LMF1: variants seen among roughly 807,000 people sequenced by gnomAD.
The protein encoded by LMF1 is transmembrane protein 112.
Under a neutral mutation model 60.6 loss-of-function variants are expected in LMF1, and 68 were observed. That is an observed-to-expected ratio of 1.12 (90% CI 0.92 to 1.37). The LOEUF (loss-of-function observed/expected upper bound fraction) is 1.37, where lower values mean the gene tolerates loss of function less well. Ranked by LOEUF, LMF1 falls within the 40% of genes most tolerant of loss-of-function variation. LMF1 has a pLI of 0.00. For synonymous variants in LMF1, 418 were observed against 324.7 expected, an observed-to-expected ratio of 1.29 and a Z score of -3.09; for missense variants, 948 against 767.2, an observed-to-expected ratio of 1.24 and a Z score of -2.78.
At position 857,868 on chromosome 16, in the gene LMF1, C is replaced by A. The variant is rs866848896; in HGVS notation, c.1530-3162G>T. ...TGAGTGGTGTCTCGGGATGGGTGTG[C>A]GTGGTGTCACGGGATGGGTGTGCAG... is the stretch of plus-strand genomic sequence containing the variant. On this transcript the variant is annotated intron_variant, in intron 10 of 10. Transcript: ENST00000262301. Among the ~76,000 whole-genome samples, 30 of 37,234 alleles carry A rather than the reference C, an allele frequency of 8.1e-4. No individual in the cohort carries two copies. In the East Asian group the frequency reaches 0.012, roughly 15 times the overall value. The allele number at this position is 37,234 out of a possible 152,430, so 24.4% of individuals were successfully genotyped here.
chr16:869,242 C>G lies in LMF1; in HGVS notation c.1417-186G>C, dbSNP rs536243481. The G allele has an allele frequency of 2.8e-4, 185 of 667,140 alleles. 1 individual carries two copies. The East Asian group carries it at 4.7e-3, about 17-fold the overall frequency. The allele number at this position is 667,140 out of a possible 1,614,324, so 41.3% of individuals were successfully genotyped here. A position where few individuals can be genotyped will look rare whatever the true frequency, so the allele number is the denominator to read the frequency against. The stretch of plus-strand genomic sequence containing the variant: ...GGCTGCCTGCTTCGTGTAGCCCTGA[C>G]CACTCATTCCCATGTCGGCCGCTGG... On this transcript the variant is annotated intron_variant, in intron 9 of 10. Transcript: ENST00000262301.
Position 869,981 on chromosome 16 carries a change from CGTA to C in LMF1, c.1315_1317del (p.Tyr439del). The C allele has an allele frequency of 1.2e-6, 2 of 1,613,320 alleles. No individual in the cohort carries two copies. The highest frequency in any genetic ancestry group is 1.7e-6 in the Non-Finnish European group (2 of 1,179,870). On this transcript the variant is annotated inframe_deletion, in exon 9 of 11. Coordinates refer to ENST00000262301, the MANE Select transcript of LMF1 (RefSeq NM_022773.4). ...GGGTCACCTGGCTTGCACTTGAACT[CGTA>C]GTCCTCCCACATGGCATCGGGGGCG...
intron 2 of LMF1, among the ~76,000 whole-genome samples, chr16:945,420 G>A (rs2072213813): frequency 6.6e-6 from 1 of 151,856 alleles, no homozygotes; most frequent in South Asian, 2.1e-4. Context: ...CAGCTATTTG[G>A]GAAGCTGAGC....
chr16:924,524 G>A (rs569213272), intron 3 of LMF1, among the ~76,000 whole-genome samples: 8 of 152,248 alleles, frequency 5.3e-5, no homozygotes, highest in African/African-American at 1.4e-4. Flanking sequence ...TGGCATTTTC[G>A]AAGCATTTCT....
upstream of LMF1, among the ~76,000 whole-genome samples, chr16:973,297 A>G (rs1268127324): frequency 6.6e-6 from 1 of 152,180 alleles, no homozygotes; most frequent in Non-Finnish European, 1.5e-5. Flanking sequence ...GTGAGCCTAG[A>G]TCGCGCCACT....
upstream of LMF1, chr16:981,317 A>AGG: frequency 3.5e-6 from 1 of 285,396 alleles, no homozygotes; most frequent in East Asian, 1.1e-4. Flanking sequence ...AGAGAGAGAG[A>AGG]GAGAGAGAGA....
At chr16:919,459 T>C (rs2071369898) in intron 3 of LMF1, among the ~76,000 whole-genome samples, 1 of 101,368 alleles carries the variant, frequency 9.9e-6, no homozygotes, top group African/African-American at 5.2e-5. Context: ...GGAAAGCTCA[T>C]ATCTCCAGCG....
chr16:916,370 C>T (rs1022499444), intron 3 of LMF1, among the ~76,000 whole-genome samples: 7 of 152,210 alleles, frequency 4.6e-5, no homozygotes, highest in Admixed American at 3.3e-4. Flanking sequence ...TGCGCCGGGC[C>T]GCCCTCTGCC....
intron 1 of LMF1, among the ~76,000 whole-genome samples, chr16:970,153 C>A (rs944741588): frequency 6.6e-6 from 1 of 152,204 alleles, no homozygotes; most frequent in Non-Finnish European, 1.5e-5. Context: ...CTGAGCTAGT[C>A]GAGAACACTA....
intron 3 of LMF1, among the ~76,000 whole-genome samples, chr16:931,336 G>A (rs1036816781): frequency 6.6e-6 from 1 of 152,258 alleles, no homozygotes; most frequent in African/African-American, 2.4e-5. Context: ...CTCGGGGCAC[G>A]CACTGCCTGA....
chr16:857,245 C>G (rs546778143), intron 10 of LMF1, among the ~76,000 whole-genome samples: 3 of 152,254 alleles, frequency 2.0e-5, no homozygotes, highest in Admixed American at 1.3e-4. Flanking sequence ...CTGCGTGAAC[C>G]TGGGTTTCAA....
intron 2 of LMF1, among the ~76,000 whole-genome samples, chr16:936,993 T>C (rs2071966002): frequency 6.6e-6 from 1 of 152,124 alleles, no homozygotes; most frequent in African/African-American, 2.4e-5. Context: ...CCTCACGCTT[T>C]TATCAGAAGG....
intron 2 of LMF1, among the ~76,000 whole-genome samples, chr16:943,407 A>G (rs2072158352): frequency 6.7e-6 from 1 of 149,674 alleles, no homozygotes; most frequent in Non-Finnish European, 1.5e-5. Flanking sequence ...AGTCTCTGCT[A>G]AATTTCCCAT....
At chr16:947,780 CGACAGAGTCAGCCAAT>C (rs2072276033) in intron 2 of LMF1, 3 of 351,924 alleles carry the variant, frequency 8.5e-6, no homozygotes, top group African/African-American at 2.2e-5. Context: ...TCAGAGCCAA[CGACAGAGTCAGCCAAT>C]GACAGAGTCA....
chr16:896,138 A>G, intron 4 of LMF1, among the ~76,000 whole-genome samples: 1 of 53,856 alleles, frequency 1.9e-5, no homozygotes, highest in African/African-American at 1.7e-4. Flanking sequence ...CGGTCCACAC[A>G]CACGCCTCGG....
intron 4 of LMF1, chr16:899,526 C>T (rs56077316): frequency 0.052 from 7,879 of 152,314 alleles, 219 homozygotes; most frequent in East Asian, 0.095. Flanking sequence ...GTCAGGGAAA[C>T]GGCAGCACAT....
intron 5 of LMF1, among the ~76,000 whole-genome samples, chr16:886,233 TAAC>T (rs964261118): frequency 3.9e-5 from 6 of 152,182 alleles, no homozygotes; most frequent in African/African-American, 1.2e-4. Flanking sequence ...CAGGGCTGCA[TAAC>T]AACAGGGCTC....
At chr16:923,142 G>C (rs113491645) in intron 3 of LMF1, among the ~76,000 whole-genome samples, 8,917 of 134,826 alleles carry the variant, frequency 0.066, 394 homozygotes, top group Non-Finnish European at 0.089. Context: ...TGTTGGCGTC[G>C]TGTTGTTGCA....
At chr16:915,900 G>A (rs552149655) in intron 3 of LMF1, among the ~76,000 whole-genome samples, 5 of 151,360 alleles carry the variant, frequency 3.3e-5, no homozygotes, top group African/African-American at 1.2e-4. Context: ...GGGGGCCTGG[G>A]GCAGGTGAGA....
Sources: gnomAD v4.1 joint callset for allele counts (sites outside exome capture counted in the v4.1 genomes callset) on GRCh38, gnomAD v4.1.1 for gene constraint, MANE v1.5 for transcripts, NCBI Gene and HGNC (gene_info 2026-07-23, HGNC 2026-07-21) for gene names.